Variants in INPP5B observed in about 807,000 individuals in gnomAD.
INPP5B encodes inositol polyphosphate-5-phosphatase B.
In INPP5B, 90 loss-of-function variants were observed where a neutral mutation model predicts 118.5. The observed-to-expected ratio is 0.76, with a 90% CI of 0.64 to 0.90. The LOEUF (loss-of-function observed/expected upper bound fraction) is 0.90, where lower values mean the gene tolerates loss of function less well. INPP5B is among the 40% of genes least tolerant of loss of function. The probability of loss-of-function intolerance (pLI) is 0.00; values close to 1 mark genes in which losing one functional copy is unlikely to be tolerated. For synonymous variants in INPP5B, 385 were observed against 418.9 expected, an observed-to-expected ratio of 0.92 and a Z score of 0.99; for missense variants, 984 against 1,125.6, an observed-to-expected ratio of 0.87 and a Z score of 1.80.
At chr1:37,896,784 G>A (rs1644110305) in intron 7 of INPP5B, among the ~76,000 whole-genome samples, 9 of 137,516 alleles carry the variant, frequency 6.5e-5, no homozygotes, top group Admixed American at 6.4e-4. Flanking sequence ...AGGTGGGGGG[G>A]TCAGCCCCCT....
intron 7 of INPP5B, among the ~76,000 whole-genome samples, chr1:37,927,994 C>T (rs912676755): frequency 2.0e-5 from 3 of 152,158 alleles, no homozygotes; most frequent in Non-Finnish European, 4.4e-5. Context: ...ATTCACCTAT[C>T]CCCCAAAATG....
At chr1:37,897,741 G>GATA (rs919279754) in intron 7 of INPP5B, among the ~76,000 whole-genome samples, 4 of 149,676 alleles carry the variant, frequency 2.7e-5, no homozygotes, top group East Asian at 1.9e-4. Context: ...TAAAAATAAT[G>GATA]ATAATAATAA....
chr1:37,899,229 T>TA (rs1644239456), intron 7 of INPP5B, among the ~76,000 whole-genome samples: 1 of 148,450 alleles, frequency 6.7e-6, no homozygotes, highest in South Asian at 2.1e-4. Flanking sequence ...AGAAGCATTG[T>TA]ACTCTAGTTG....
chr1:37,926,362 C>T (rs1299918258), intron 7 of INPP5B, among the ~76,000 whole-genome samples: 1 of 152,032 alleles, frequency 6.6e-6, no homozygotes, highest in Admixed American at 6.6e-5. Flanking sequence ...TGATCTCAGC[C>T]CACTGCAACC....
rs1415205826 is a variant in INPP5B, at chr1:37,878,211, C to T, written c.1654G>A (p.Val552Ile). The T allele has an allele frequency of 6.2e-7, 1 of 1,614,122 alleles. No individual in the cohort carries two copies. The highest frequency in any genetic ancestry group is 1.7e-5 in the Admixed American group (1 of 60,012). The change falls in exon 16 of 24, where the codon GTC becomes ATC. Residue 552 changes from valine (V) to isoleucine (I), a missense_variant. Physicochemically the swap from Val to Ile is conservative, Grantham distance 29. Around this residue, in one of 2 missense-constraint regions of INPP5B, gnomAD observed 634 missense variants for 791.0 expected, o/e 0.80. Coordinates refer to ENST00000373024, the MANE Select transcript of INPP5B (RefSeq NM_005540.3). ...MALKTSDHKP[V>I]SSVFDIGVRV... ...ACCCCGATGTCAAACACTGAGCTGA[C>T]AGGCTTGTGGTCACTGGTCTTCAGG...
intron 5 of INPP5B, among the ~76,000 whole-genome samples, chr1:37,941,328 CAG>C (rs1335029743): frequency 6.6e-6 from 1 of 152,116 alleles, no homozygotes; most frequent in East Asian, 1.9e-4. Context: ...AACAGACAAA[CAG>C]AAGCAACCTA....
At chr1:37,946,030 TGAG>T (rs1198535200) in intron 2 of INPP5B, among the ~76,000 whole-genome samples, 180 bp from the exon 3 acceptor site, 10 of 152,324 alleles carry the variant, frequency 6.6e-5, no homozygotes, top group African/African-American at 2.2e-4. Context: ...ATCTATGAAA[TGAG>T]GATAATAATC....
chr1:37,871,962 G>A (rs1256094342), intron 19 of INPP5B, among the ~76,000 whole-genome samples: 1 of 150,336 alleles, frequency 6.7e-6, no homozygotes, highest in African/African-American at 2.5e-5. Flanking sequence ...TACTAGGGTG[G>A]CAGAGGCAGG....
Position 37,866,450 on chromosome 1 carries a change from G to A in INPP5B, c.2386+9C>T. 7.6e-7 allele frequency: 1 copy of A among 1,314,040 alleles called. No homozygotes were observed. Among genetic ancestry groups the A allele is most frequent in the Non-Finnish European group, 1.1e-6 (1 of 929,390 alleles). 81.4% of individuals were successfully genotyped at this position (1,314,040 alleles called of 1,614,324 possible). On this transcript the variant is annotated intron_variant, in intron 21 of 23. Transcript: ENST00000373024. ...CACACACACACAGAGCTGAATGTCT[G>A]AAGGATACAGAGGTTATCAATCATT...
intron 5 of INPP5B, among the ~76,000 whole-genome samples, chr1:37,943,181 G>A (rs1441480842): frequency 6.6e-6 from 1 of 151,864 alleles, no homozygotes. Flanking sequence ...TGTATTTTTA[G>A]TAGAGACGGG....
intron 6 of INPP5B, among the ~76,000 whole-genome samples, chr1:37,933,972 C>T (rs1418990063): frequency 6.6e-6 from 1 of 151,358 alleles, no homozygotes; most frequent in African/African-American, 2.4e-5. Context: ...CTTGCTCTGT[C>T]GCCCAGGCTG....
intron 6 of INPP5B, among the ~76,000 whole-genome samples, chr1:37,935,810 T>C (rs554047406): frequency 7.1e-4 from 108 of 152,094 alleles, no homozygotes; most frequent in African/African-American, 2.5e-3. Flanking sequence ...CTCACGCCTG[T>C]AATCCCAGCA....
intron 7 of INPP5B, among the ~76,000 whole-genome samples, chr1:37,905,368 C>T (rs2148581970): frequency 6.6e-6 from 1 of 152,290 alleles, no homozygotes; most frequent in East Asian, 1.9e-4. Flanking sequence ...TGTGCCACTG[C>T]ACTCCAGGCT....
rs569228482 is a variant in INPP5B, at chr1:37,927,780, G to T, written c.532+4133C>A. Among the ~76,000 whole-genome samples, 2 of 151,826 alleles carry T rather than the reference G, an allele frequency of 1.3e-5. 1 individual carries two copies. Among genetic ancestry groups the T allele is most frequent in the South Asian group, 4.2e-4 (2 of 4,814 alleles). Reference sequence around the variant, plus strand: ...TCTCAATCTCCTGACCTCGTGATCCGCCCTCCTTGGCCTCCCAAAGTGCAG... The same window carrying T: ...TCTCAATCTCCTGACCTCGTGATCCTCCCTCCTTGGCCTCCCAAAGTGCAG... On this transcript the variant is annotated intron_variant, in intron 7 of 23. Transcript: ENST00000373024.
intron 15 of INPP5B, among the ~76,000 whole-genome samples, chr1:37,879,110 A>G (rs745549911): frequency 4.1e-4 from 63 of 151,962 alleles, no homozygotes; most frequent in Non-Finnish European, 7.9e-4. Flanking sequence ...CGTCTCTACT[A>G]AAAATACAAA....
intron 7 of INPP5B, among the ~76,000 whole-genome samples, chr1:37,911,431 C>T (rs765461047): frequency 7.9e-5 from 12 of 152,138 alleles, no homozygotes; most frequent in Non-Finnish European, 1.6e-4. Context: ...TCCATTTCCC[C>T]ATATTTCCTT....
intron 14 of INPP5B, among the ~76,000 whole-genome samples, chr1:37,882,384 G>A (rs1351966198): frequency 2.6e-5 from 4 of 152,204 alleles, no homozygotes; most frequent in African/African-American, 9.7e-5. Flanking sequence ...AGTGAGGAAA[G>A]CCACTTGGGA....
In INPP5B at chr1:37,905,126, C is replaced by T. The variant is rs1005396898; in HGVS notation, c.533-13672G>A. Among the ~76,000 whole-genome samples the T allele has an allele frequency of 4.6e-5, 7 of 152,008 alleles. 1 individual carries two copies. Among genetic ancestry groups the T allele is most frequent in the Non-Finnish European group, 8.8e-5 (6 of 68,006 alleles). On this transcript the variant is annotated intron_variant, in intron 7 of 23. Transcript: ENST00000373024. ...GCATAAATATGTTATTGAGGCCAGG[C>T]GTGGTGGCTCAAGCCTGTAATCCCA...
intron 11 of INPP5B, 41 bp downstream of exon 11, chr1:37,887,310 A>C: frequency 8.6e-7 from 1 of 1,166,174 alleles, no homozygotes; most frequent in South Asian, 1.3e-5. Flanking sequence ...ATTTCCCTGC[A>C]TGGCAACATA....
Sources: allele counts gnomAD v4.1 joint callset (sites outside exome capture counted in the v4.1 genomes callset), GRCh38; gene constraint gnomAD v4.1.1; regional missense constraint gnomAD v4.1.1; transcripts MANE v1.5; gene names NCBI Gene and HGNC (gene_info 2026-07-23, HGNC 2026-07-21).